The following CELF2 variants were observed in gnomAD, a reference collection of about 807,000 sequenced individuals.
CELF2 encodes the protein CUGBP Elav-like family member 2.
In CELF2, 8 loss-of-function variants were observed where a neutral mutation model predicts 62.6. That is an observed-to-expected ratio of 0.13 (90% CI 0.07 to 0.23). The LOEUF is 0.23. Among genes scored for constraint, CELF2 ranks in the 10% least tolerant of loss-of-function variants. CELF2 has a pLI of 1.00. For synonymous variants in CELF2, 258 were observed against 250.0 expected (o/e 1.03, Z -0.30); for missense variants, 333 against 671.0 (o/e 0.50, Z 5.56).
chr10:10,580,991 G>T, the CELF2 span, among the ~76,000 whole-genome samples: 1 of 152,138 alleles, frequency 6.6e-6, no homozygotes, highest in African/African-American at 2.4e-5. Context: ...TAGAAAAATA[G>T]ATCTATTTGG....
chr10:11,108,464 A>G (rs1056038629), intron 1 of CELF2, among the ~76,000 whole-genome samples: 10 of 151,876 alleles, frequency 6.6e-5, no homozygotes, highest in African/African-American at 2.4e-4. Context: ...GATCACCCAC[A>G]TGTTATCTGT....
rs943087768 is a variant in CELF2 at position 11,267,067 on chromosome 10, A to G, written c.618+390A>G. ...CAGTAACAGCCTCCCACCCCAAATT[A>G]CTGCTTGCCCTGTGCTAAGTCCCAG... is the stretch of plus-strand genomic sequence containing the variant. On this transcript the variant is annotated intron_variant, in intron 6 of 12. Coordinates refer to ENST00000633077, the MANE Select transcript of CELF2 (RefSeq NM_001326342.2). The surrounding 1 kb of genome is among the most constrained non-coding windows in gnomAD (Gnocchi z 4.4). Among the ~76,000 whole-genome samples, 2 of 152,146 alleles carry G rather than the reference A, an allele frequency of 1.3e-5. No homozygotes were observed. The highest frequency in any genetic ancestry group is 4.8e-5 in the African/African-American group (2 of 41,420).
chr10:10,816,679 A>C (rs2056488392), intron 1 of CELF2, among the ~76,000 whole-genome samples: 1 of 152,248 alleles, frequency 6.6e-6, no homozygotes, highest in African/African-American at 2.4e-5. Flanking sequence ...CCTTGGATAA[A>C]CAAACTTAGT....
At chr10:10,614,890 G>A in the CELF2 span, among the ~76,000 whole-genome samples, 1 of 152,026 alleles carries the variant, frequency 6.6e-6, no homozygotes, top group Non-Finnish European at 1.5e-5. Context: ...AAAGCACGTA[G>A]GTCCCAAGAC....
chr10:10,933,296 A>C (rs969958155), intron 2 of CELF2, among the ~76,000 whole-genome samples: 1 of 152,136 alleles, frequency 6.6e-6, no homozygotes, highest in Non-Finnish European at 1.5e-5. Context: ...GACTGAGACC[A>C]TATATAAAAA....
the CELF2 span, among the ~76,000 whole-genome samples, chr10:10,518,146 A>G: frequency 6.6e-6 from 1 of 152,198 alleles, no homozygotes; most frequent in African/African-American, 2.4e-5. Context: ...AGCTTCTACC[A>G]TCAACCCATT....
intron 1 of CELF2, among the ~76,000 whole-genome samples, chr10:11,119,933 A>G (rs569585193): frequency 2.2e-5 from 3 of 134,408 alleles, no homozygotes; most frequent in South Asian, 4.5e-4. Flanking sequence ...TCATCGTTTC[A>G]TAGGTACACT....
intron 2 of CELF2, chr10:11,169,299 T>G (rs1417789787): frequency 6.6e-6 from 1 of 151,766 alleles, no homozygotes; most frequent in Non-Finnish European, 1.5e-5. Flanking sequence ...GAGCTAAGAG[T>G]AAATGAGTAA....
the CELF2 span, among the ~76,000 whole-genome samples, chr10:10,563,438 C>T: frequency 4.0e-5 from 6 of 151,868 alleles, no homozygotes; most frequent in Admixed American, 1.3e-4. Flanking sequence ...TGGCAAAACC[C>T]GTCTCTACTA....
the CELF2 span, among the ~76,000 whole-genome samples, chr10:10,640,864 A>C: frequency 6.6e-6 from 1 of 152,202 alleles, no homozygotes; most frequent in African/African-American, 2.4e-5. Context: ...TGGCCCAGTT[A>C]TGACAATGGA....
At chr10:10,557,834 TTGTC>T in the CELF2 span, among the ~76,000 whole-genome samples, 16,002 of 144,038 alleles carry the variant, frequency 0.11, 876 homozygotes, top group Non-Finnish European at 0.15. Flanking sequence ...GGCTCTCTGT[TTGTC>T]TGTTGTTGGT....
At chr10:11,082,571 G>A (rs980803150) in intron 1 of CELF2, among the ~76,000 whole-genome samples, 2 of 152,154 alleles carry the variant, frequency 1.3e-5, no homozygotes, top group Non-Finnish European at 2.9e-5. Context: ...CCTCTTCTGT[G>A]GCTCTCAAGT....
At chr10:11,121,627 A>G (rs934776506) in intron 1 of CELF2, among the ~76,000 whole-genome samples, 4 of 152,204 alleles carry the variant, frequency 2.6e-5, no homozygotes, top group African/African-American at 9.6e-5. Flanking sequence ...GTGAAACACA[A>G]AAATAAATAT....
chr10:11,329,141 AGGACCACATTGCCAAC>A lies in CELF2; in HGVS notation c.*89_*104del. The A allele has an allele frequency of 7.2e-7, 1 of 1,389,172 alleles. No individual in the cohort carries two copies. Among genetic ancestry groups the A allele is most frequent in the Non-Finnish European group, 9.6e-7 (1 of 1,037,972 alleles). 86.1% of individuals were successfully genotyped at this position (1,389,172 alleles called of 1,614,324 possible). ...CCTGTCTCAACAGGGAAGGCAGAGG[AGGACCACATTGCCAAC>A]TTTTACCAAGAGAGACGGTTATTTT... is the stretch of plus-strand genomic sequence containing the variant. On this transcript the variant is annotated 3_prime_UTR_variant, in exon 13 of 13. Coordinates refer to ENST00000633077, the MANE Select transcript of CELF2 (RefSeq NM_001326342.2). This position sits in a 1 kb window ranked among gnomAD's most constrained non-coding sequence, Gnocchi z 5.5.
At position 11,042,063 on chromosome 10, in the gene CELF2, C is replaced by T. The variant is rs573839771; in HGVS notation, c.74+23900C>T. On this transcript the variant is annotated intron_variant, in intron 1 of 12. Transcript: ENST00000633077. ...GAACATTTCTGTTGAACGATTTTTGCATGATCAAAATTTCAGTAATAACAT... is the reference window on the plus strand; with the variant it reads ...GAACATTTCTGTTGAACGATTTTTGTATGATCAAAATTTCAGTAATAACAT... 7.2e-5 allele frequency among the ~76,000 whole-genome samples: 11 copies of T among 152,254 alleles called. No individual in the cohort carries two copies. In the South Asian group the frequency reaches 2.1e-3, roughly 29 times the overall value.
At chr10:10,820,669 G>A (rs922889531) in intron 1 of CELF2, among the ~76,000 whole-genome samples, 1 of 152,170 alleles carries the variant, frequency 6.6e-6, no homozygotes, top group Non-Finnish European at 1.5e-5. Flanking sequence ...CTCAGTTAGG[G>A]AAATCAAGAA....
chr10:10,497,920 G>A, the CELF2 span, among the ~76,000 whole-genome samples: 1 of 152,130 alleles, frequency 6.6e-6, no homozygotes, highest in Admixed American at 6.6e-5. Context: ...AAATAGACGA[G>A]GTGCAAAAGA....
At chr10:10,710,695 G>C in the CELF2 span, among the ~76,000 whole-genome samples, 3 of 152,000 alleles carry the variant, frequency 2.0e-5, no homozygotes, top group African/African-American at 7.3e-5. Context: ...AGCAGTAAGG[G>C]TCCCATCTGC....
intron 1 of CELF2, among the ~76,000 whole-genome samples, chr10:11,058,731 G>A (rs759542380): frequency 6.6e-6 from 1 of 152,070 alleles, no homozygotes; most frequent in Non-Finnish European, 1.5e-5. Flanking sequence ...GCCTCCCAAA[G>A]TGCTGGGATT....
Sources: allele counts gnomAD v4.1 joint callset (sites outside exome capture counted in the v4.1 genomes callset), GRCh38; gene constraint gnomAD v4.1.1; non-coding constraint Gnocchi (gnomAD v3.1); transcripts MANE v1.5; gene names NCBI Gene and HGNC (gene_info 2026-07-23, HGNC 2026-07-21).